SHISA6: variants seen among roughly 807,000 people sequenced by gnomAD.
The protein encoded by SHISA6 is shisa family member 6, also known as protein shisa-6.
In SHISA6, 22 loss-of-function variants were observed where a neutral mutation model predicts 47.9. That is an observed-to-expected ratio of 0.46 (90% CI 0.33 to 0.66). The LOEUF is 0.66. Ranked by LOEUF, SHISA6 falls within the 30% of genes least tolerant of loss-of-function variation. SHISA6 has a pLI of 0.02. For synonymous variants in SHISA6, 388 were observed against 337.8 expected, an observed-to-expected ratio of 1.15 and a Z score of -1.63; for missense variants, 680 against 764.6, an observed-to-expected ratio of 0.89 and a Z score of 1.30.
intron 2 of SHISA6, among the ~76,000 whole-genome samples, chr17:11,283,187 G>T (rs984286857): frequency 6.6e-6 from 1 of 152,114 alleles, no homozygotes; most frequent in Non-Finnish European, 1.5e-5. Flanking sequence ...GACAAAATAT[G>T]CAATAAATTG....
intron 2 of SHISA6, among the ~76,000 whole-genome samples, chr17:11,291,502 C>T (rs1909541467): frequency 6.6e-6 from 1 of 151,894 alleles, no homozygotes; most frequent in Non-Finnish European, 1.5e-5. Context: ...GGCATGGTGG[C>T]GGGCGCCTGT....
At chr17:11,273,089 A>G (rs986274245) in intron 2 of SHISA6, among the ~76,000 whole-genome samples, 3 of 152,214 alleles carry the variant, frequency 2.0e-5, no homozygotes, top group Admixed American at 6.5e-5. Context: ...GGACTGACCT[A>G]TCTAATTCTT....
At position 11,513,130 on chromosome 17, in the gene SHISA6, A is replaced by C. The variant is rs147920218; in HGVS notation, c.896-38766A>C. On this transcript the variant is annotated intron_variant, in intron 3 of 5. Transcript: ENST00000441885. ...CCAAGAAGCATGTGCTATTTTCTTT[A>C]TTTATGATATCTACATATATAAAGT... Among the ~76,000 whole-genome samples, 249 of 151,720 alleles carry C rather than the reference A, an allele frequency of 1.6e-3. 3 individuals carry two copies. The East Asian group carries it at 0.026, about 16-fold the overall frequency.
intron 1 of SHISA6, among the ~76,000 whole-genome samples, chr17:11,246,083 T>C (rs1235533625): frequency 6.6e-6 from 1 of 152,106 alleles, no homozygotes; most frequent in Non-Finnish European, 1.5e-5. Context: ...TTGATCTAAA[T>C]AGAGAGTCGA....
intron 3 of SHISA6, among the ~76,000 whole-genome samples, chr17:11,424,770 G>A (rs1221857411): frequency 2.6e-5 from 4 of 151,924 alleles, no homozygotes; most frequent in African/African-American, 7.3e-5. Flanking sequence ...TTGGGAGGCC[G>A]AGGCAGGTGG....
chr17:11,531,341 G>A (rs561097273), intron 3 of SHISA6, among the ~76,000 whole-genome samples: 1 of 151,926 alleles, frequency 6.6e-6, no homozygotes, highest in South Asian at 2.1e-4. Context: ...TCCCCCTGAT[G>A]AGCATTTCAG....
intron 3 of SHISA6, among the ~76,000 whole-genome samples, chr17:11,382,589 A>G (rs371405026): frequency 6.6e-6 from 1 of 152,286 alleles, no homozygotes; most frequent in African/African-American, 2.4e-5. Context: ...TATGTGTTTA[A>G]TTCTCTTTGT....
intron 3 of SHISA6, among the ~76,000 whole-genome samples, chr17:11,462,142 CA>C (rs1464123539): frequency 1.3e-5 from 2 of 152,092 alleles, no homozygotes; most frequent in African/African-American, 4.8e-5. Flanking sequence ...TGACAGGTAG[CA>C]GAGATTAAAG....
chr17:11,363,926 G>A (rs1406995944), intron 2 of SHISA6, among the ~76,000 whole-genome samples: 2 of 152,190 alleles, frequency 1.3e-5, no homozygotes, highest in Non-Finnish European at 2.9e-5. Flanking sequence ...CCCCTGAGGT[G>A]CTACTCTCAG....
intron 2 of SHISA6, among the ~76,000 whole-genome samples, chr17:11,378,077 C>G (rs776221835): frequency 2.0e-5 from 3 of 152,172 alleles, no homozygotes; most frequent in African/African-American, 7.2e-5. Context: ...GATTCCAGCA[C>G]GCACCCAGGG....
intron 3 of SHISA6, among the ~76,000 whole-genome samples, chr17:11,515,533 G>A (rs1467495903): frequency 6.6e-6 from 1 of 152,052 alleles, no homozygotes; most frequent in Non-Finnish European, 1.5e-5. Flanking sequence ...AAAGAAAGAA[G>A]GGTGGGGCAG....
At position 11,552,357 on chromosome 17, in the gene SHISA6, T is replaced by C. The variant is rs1423392183; in HGVS notation, c.952+405T>C. The stretch of plus-strand genomic sequence containing the variant: ...AACTTTATGATCCTCCCCAGGCTAA[T>C]TAAGATTTGATAAAACTCAAAACTG... On this transcript the variant is annotated intron_variant, in intron 4 of 5. Coordinates refer to ENST00000441885, the MANE Select transcript of SHISA6 (RefSeq NM_207386.4). Among the ~76,000 whole-genome samples, 5 of 152,356 alleles carry C rather than the reference T, an allele frequency of 3.3e-5. No individual in the cohort carries two copies. In the East Asian group the frequency reaches 9.7e-4, roughly 29 times the overall value.
At chr17:11,535,943 T>C (rs2071783227) in intron 3 of SHISA6, among the ~76,000 whole-genome samples, 1 of 152,160 alleles carries the variant, frequency 6.6e-6, no homozygotes, top group African/African-American at 2.4e-5. Context: ...TATGTACACA[T>C]ATATATACAC....
intron 2 of SHISA6, among the ~76,000 whole-genome samples, chr17:11,376,781 G>C (rs989555056): frequency 2.0e-5 from 3 of 152,186 alleles, no homozygotes; most frequent in Admixed American, 1.3e-4. Context: ...TTCATGAAGA[G>C]TTGTCCTTGG....
chr17:11,526,309 T>C (rs1370913345), intron 3 of SHISA6, among the ~76,000 whole-genome samples: 2 of 152,206 alleles, frequency 1.3e-5, no homozygotes, highest in African/African-American at 2.4e-5. Flanking sequence ...TAATAAACAA[T>C]GAATCTGAAA....
intron 2 of SHISA6, among the ~76,000 whole-genome samples, chr17:11,368,255 G>A (rs575262297): frequency 1.3e-5 from 2 of 152,086 alleles, no homozygotes; most frequent in East Asian, 3.9e-4. Flanking sequence ...AGGAACCAGT[G>A]CAGGCAGGTG....
At chr17:11,506,764 C>T (rs1170943484) in intron 3 of SHISA6, among the ~76,000 whole-genome samples, 3 of 152,142 alleles carry the variant, frequency 2.0e-5, no homozygotes, top group African/African-American at 4.8e-5. Flanking sequence ...GAGCTTAAAA[C>T]GTGACTCAGA....
intron 2 of SHISA6, among the ~76,000 whole-genome samples, chr17:11,315,451 G>A (rs181128075): frequency 1.3e-4 from 20 of 150,922 alleles, no homozygotes; most frequent in Non-Finnish European, 2.5e-4. Context: ...CATTGATTCC[G>A]ACCTCTTTAA....
intron 2 of SHISA6, among the ~76,000 whole-genome samples, chr17:11,275,971 T>C (rs1022480192): frequency 1.3e-5 from 2 of 150,954 alleles, no homozygotes; most frequent in African/African-American, 4.9e-5. Context: ...CTAGATTCTG[T>C]TTTTTGTTTT....
Sources: gnomAD v4.1 joint callset for allele counts (sites outside exome capture counted in the v4.1 genomes callset) on GRCh38, gnomAD v4.1.1 for gene constraint, MANE v1.5 for transcripts, NCBI Gene and HGNC (gene_info 2026-07-23, HGNC 2026-07-21) for gene names.